The following MAPKAP1 variants were observed in gnomAD, a reference collection of about 807,000 sequenced individuals.
The protein encoded by MAPKAP1 is MAPK associated protein 1.
MAPKAP1 carries 20 observed loss-of-function variants against 65.7 expected under a neutral mutation model. The observed-to-expected ratio is 0.30, with a 90% CI of 0.21 to 0.44. The LOEUF is 0.44. MAPKAP1 is among the 20% of genes least tolerant of loss of function. The pLI, the probability that MAPKAP1 is intolerant of heterozygous loss-of-function variation, is 1.00. For synonymous variants in MAPKAP1, 222 were observed against 244.3 expected (o/e 0.91, Z 0.85); for missense variants, 423 against 648.0 (o/e 0.65, Z 3.77).
chr9:125,506,122 T>C (rs1393545793), intron 8 of MAPKAP1, 188 bp downstream of exon 8: 2 of 634,972 alleles, frequency 3.1e-6, no homozygotes, highest in Admixed American at 2.2e-5. Flanking sequence ...GCAGCCTCTC[T>C]ACCAAAAAGC....
At chr9:125,452,788 G>T (rs1039659030) in intron 10 of MAPKAP1, among the ~76,000 whole-genome samples, 3 of 152,052 alleles carry the variant, frequency 2.0e-5, no homozygotes, top group Admixed American at 2.0e-4. Flanking sequence ...CTGGGAGGCT[G>T]AGGCACGAGA....
At chr9:125,462,936 C>T (rs936125903) in intron 10 of MAPKAP1, among the ~76,000 whole-genome samples, 2 of 152,158 alleles carry the variant, frequency 1.3e-5, no homozygotes, top group African/African-American at 4.8e-5. Context: ...CAACATCAAT[C>T]AAAATGTCGA....
chr9:125,511,698 C>T (rs1829305834), intron 7 of MAPKAP1, among the ~76,000 whole-genome samples: 1 of 151,998 alleles, frequency 6.6e-6, no homozygotes, highest in Admixed American at 6.6e-5. Flanking sequence ...TACTTTTTGC[C>T]AAAGAAATGA....
At chr9:125,691,210 G>A (rs1564618791) in intron 1 of MAPKAP1, among the ~76,000 whole-genome samples, 1 of 152,142 alleles carries the variant, frequency 6.6e-6, no homozygotes. Flanking sequence ...CCAGTGAGCC[G>A]AGATCGCGCC....
At chr9:125,499,183 C>T (rs895726384) in intron 8 of MAPKAP1, among the ~76,000 whole-genome samples, 2 of 152,126 alleles carry the variant, frequency 1.3e-5, no homozygotes, top group South Asian at 2.1e-4. Flanking sequence ...TTAAGGACTG[C>T]GTAATACATG....
intron 1 of MAPKAP1, among the ~76,000 whole-genome samples, chr9:125,674,231 T>A (rs1241842592): frequency 6.6e-6 from 1 of 151,984 alleles, no homozygotes; most frequent in African/African-American, 2.4e-5. Context: ...CTCAAAAAAA[T>A]ACATGGCATG....
intron 5 of MAPKAP1, among the ~76,000 whole-genome samples, chr9:125,577,830 G>A (rs1831488493): frequency 1.3e-5 from 2 of 150,002 alleles, no homozygotes; most frequent in African/African-American, 4.9e-5. Flanking sequence ...CCCCGGCCCG[G>A]CCAACCGCCC....
intron 7 of MAPKAP1, chr9:125,521,577 G>C (rs1482775907): frequency 7.1e-7 from 1 of 1,417,784 alleles, no homozygotes; most frequent in Non-Finnish European, 9.2e-7. Flanking sequence ...GGGGATCCAG[G>C]GTGCTAAATC....
chr9:125,467,987 C>G lies in MAPKAP1; in HGVS notation c.1330G>C (p.Glu444Gln). ...SDLLCACDLAEEKSPSHAIFK... is the reference protein window; with the variant it reads ...SDLLCACDLAQEKSPSHAIFK... Reference sequence around the variant, plus strand: ...GACTACTCACTGGGGCTTTTCTCTTCAGCAAGGTCACAGGCACAGAGCAGG... The same window carrying G: ...GACTACTCACTGGGGCTTTTCTCTTGAGCAAGGTCACAGGCACAGAGCAGG... The change falls in exon 10 of 12, where the codon GAA becomes CAA. Residue 444 changes from glutamate (E) to glutamine (Q), a missense_variant. Physicochemically the swap from Glu to Gln is conservative, Grantham distance 29. This residue lies in a region of MAPKAP1 where 185 missense variants were observed against 268.1 expected (regional missense o/e 0.69). Transcript: ENST00000265960. 1 of 1,614,186 alleles carries G rather than the reference C, an allele frequency of 6.2e-7. No homozygotes were observed. Among genetic ancestry groups the G allele is most frequent in the South Asian group, 1.1e-5 (1 of 91,072 alleles).
chr9:125,515,568 A>G (rs1425590370), intron 7 of MAPKAP1, among the ~76,000 whole-genome samples: 1 of 152,192 alleles, frequency 6.6e-6, no homozygotes, highest in African/African-American at 2.4e-5. Context: ...CAGAGAGCCA[A>G]TTTTCTTCAG....
intron 4 of MAPKAP1, among the ~76,000 whole-genome samples, chr9:125,597,868 A>C (rs1398646954): frequency 6.6e-6 from 1 of 152,214 alleles, no homozygotes; most frequent in Non-Finnish European, 1.5e-5. Flanking sequence ...CTCAAGAAGG[A>C]CCAAAGGATG....
At chr9:125,543,395 T>C (rs1246709618) in intron 6 of MAPKAP1, among the ~76,000 whole-genome samples, 8 of 151,414 alleles carry the variant, frequency 5.3e-5, no homozygotes, top group Non-Finnish European at 7.4e-5. Flanking sequence ...GCCTCCCAAG[T>C]AGCTGGGACT....
At chr9:125,474,768 A>C (rs1179019074) in intron 9 of MAPKAP1, among the ~76,000 whole-genome samples, 2 of 152,234 alleles carry the variant, frequency 1.3e-5, no homozygotes, top group Admixed American at 1.3e-4. Flanking sequence ...TCATTTGCTC[A>C]GATATCATAA....
chr9:125,463,139 C>G (rs921932037), intron 10 of MAPKAP1, among the ~76,000 whole-genome samples: 1 of 152,208 alleles, frequency 6.6e-6, no homozygotes. Flanking sequence ...GATAGCAAGA[C>G]GTATAATGGG....
chr9:125,459,194 C>T (rs889758652), intron 10 of MAPKAP1, among the ~76,000 whole-genome samples: 5 of 144,392 alleles, frequency 3.5e-5, no homozygotes, highest in Admixed American at 6.9e-5. Context: ...GGGGCAGAGG[C>T]GCTCCCCACA....
At chr9:125,471,335 AAGG>A (rs1564522683) in intron 9 of MAPKAP1, 1 of 152,456 alleles carries the variant, frequency 6.6e-6, no homozygotes, top group Non-Finnish European at 1.5e-5. Context: ...TCTTGGTTAC[AAGG>A]AGGAGTTGGC....
At chr9:125,699,262 G>T (rs139993449) in intron 1 of MAPKAP1, among the ~76,000 whole-genome samples, 73 of 151,916 alleles carry the variant, frequency 4.8e-4, no homozygotes, top group African/African-American at 1.7e-3. Flanking sequence ...AGGCTGGAGT[G>T]CAGGAGCACA....
At chr9:125,494,134 T>C (rs984223042) in intron 8 of MAPKAP1, among the ~76,000 whole-genome samples, 1 of 152,160 alleles carries the variant, frequency 6.6e-6, no homozygotes. Context: ...AACTCTTCCT[T>C]AGCGCTCTGC....
At chr9:125,598,798 G>A (rs930326644) in intron 4 of MAPKAP1, among the ~76,000 whole-genome samples, 2 of 152,070 alleles carry the variant, frequency 1.3e-5, no homozygotes, top group Non-Finnish European at 2.9e-5. Context: ...CCAGTACTTT[G>A]GGAGGCTGAG....
Sources: allele counts gnomAD v4.1 joint callset (sites outside exome capture counted in the v4.1 genomes callset), GRCh38; gene constraint gnomAD v4.1.1; regional missense constraint gnomAD v4.1.1; transcripts MANE v1.5; gene names NCBI Gene and HGNC (gene_info 2026-07-23, HGNC 2026-07-21).